Variants in NRXN3 observed in about 807,000 individuals in gnomAD.
NRXN3 encodes the protein neurexin 3.
A neutral mutation model predicts 137.6 loss-of-function variants in NRXN3; 32 were observed. The observed-to-expected ratio is 0.23, with a 90% confidence interval of 0.18 to 0.31. The LOEUF (loss-of-function observed/expected upper bound fraction) is 0.31, where lower values mean the gene tolerates loss of function less well. Among genes scored for constraint, NRXN3 ranks in the 10% least tolerant of loss-of-function variants. NRXN3 has a pLI of 1.00. For missense variants in NRXN3, 1,574 were observed against 2,062.5 expected (o/e 0.76, Z 4.59); for synonymous variants, 798 against 784.5 (o/e 1.02, Z -0.29).
chr14:79,834,033 G>A (rs1341043018), intron 20 of NRXN3, among the ~76,000 whole-genome samples: 1 of 144,534 alleles, frequency 6.9e-6, no homozygotes, highest in Non-Finnish European at 1.5e-5. Flanking sequence ...TTGTGTTACA[G>A]CATTTGTGTT....
chr14:78,686,357 A>C (rs1368251989), intron 6 of NRXN3, among the ~76,000 whole-genome samples: 1 of 152,238 alleles, frequency 6.6e-6, no homozygotes, highest in Non-Finnish European at 1.5e-5. Flanking sequence ...TTATTGGAAC[A>C]AAAGACTTTA....
At chr14:79,266,354 G>GTT (rs902858049) in intron 15 of NRXN3, among the ~76,000 whole-genome samples, 7 of 151,298 alleles carry the variant, frequency 4.6e-5, no homozygotes, top group East Asian at 1.9e-4. Context: ...AGCTATAAAG[G>GTT]TTATATATAT....
At chr14:78,914,917 G>C (rs1311155402) in intron 10 of NRXN3, among the ~76,000 whole-genome samples, 1 of 151,188 alleles carries the variant, frequency 6.6e-6, no homozygotes, top group Non-Finnish European at 1.5e-5. Context: ...GGAAGGAGGG[G>C]GGATAATTTG....
chr14:79,456,579 T>C (rs1401646466), intron 15 of NRXN3, among the ~76,000 whole-genome samples: 2 of 152,010 alleles, frequency 1.3e-5, no homozygotes, highest in Non-Finnish European at 2.9e-5. Flanking sequence ...ATACAAAAAT[T>C]ATCCGAGCAT....
chr14:79,364,703 T>G (rs1447897364), intron 15 of NRXN3, among the ~76,000 whole-genome samples: 1 of 152,162 alleles, frequency 6.6e-6, no homozygotes, highest in African/African-American at 2.4e-5. Flanking sequence ...CCCTCAAAAA[T>G]ATATCACTTT....
chr14:78,571,360 G>A (rs1566780241), intron 4 of NRXN3, among the ~76,000 whole-genome samples: 1 of 152,172 alleles, frequency 6.6e-6, no homozygotes, highest in Non-Finnish European at 1.5e-5. Context: ...CTAATGACTG[G>A]AAGCCTGAGT....
At chr14:79,074,599 G>A (rs1187200223) in intron 15 of NRXN3, 1 of 152,240 alleles carries the variant, frequency 6.6e-6, no homozygotes, top group Non-Finnish European at 1.5e-5. Context: ...GGAAACCTGA[G>A]CAGACCTTGG....
At chr14:78,781,729 A>C (rs548312637) in intron 8 of NRXN3, among the ~76,000 whole-genome samples, 1 of 152,368 alleles carries the variant, frequency 6.6e-6, no homozygotes, top group South Asian at 2.1e-4. Context: ...AATGAAAACA[A>C]AATAAAAGCT....
At chr14:78,472,762 T>TCCC (rs2095300174) in intron 4 of NRXN3, among the ~76,000 whole-genome samples, 1 of 152,156 alleles carries the variant, frequency 6.6e-6, no homozygotes, top group Non-Finnish European at 1.5e-5. Context: ...GGGGCCTATT[T>TCCC]TAAGATAAAG....
intron 6 of NRXN3, among the ~76,000 whole-genome samples, chr14:78,663,460 G>A (rs1316996507): frequency 1.3e-5 from 2 of 152,120 alleles, no homozygotes; most frequent in Non-Finnish European, 2.9e-5. Flanking sequence ...TGCTAACGGA[G>A]GAATGATTTT....
At chr14:78,603,631 C>T (rs183653212) in intron 4 of NRXN3, among the ~76,000 whole-genome samples, 11 of 152,212 alleles carry the variant, frequency 7.2e-5, no homozygotes, top group East Asian at 5.8e-4. Context: ...ATAATAGCTG[C>T]GGTTGCCTTA....
intron 16 of NRXN3, among the ~76,000 whole-genome samples, chr14:79,637,645 T>C (rs1374535773): frequency 1.3e-5 from 2 of 151,672 alleles, no homozygotes; most frequent in Admixed American, 1.3e-4. Context: ...CTGGTTGGAG[T>C]CCCTGACCCC....
intron 20 of NRXN3, among the ~76,000 whole-genome samples, chr14:79,856,728 CAGTGAGCCCCTTTTGCTGG>C (rs1439188117): frequency 6.6e-6 from 1 of 151,404 alleles, no homozygotes; most frequent in Non-Finnish European, 1.5e-5. Flanking sequence ...TTTTTGATGG[CAGTGAGCCCCTTTTGCTGG>C]ATATCAGCCC....
rs61995412 is a variant in NRXN3, at chr14:79,251,126, A to T, written c.3263-216095A>T. On this transcript the variant is annotated intron_variant, in intron 15 of 20. Transcript: ENST00000335750. ...CTATTATGCAGAGTTAGAACTTTCC[A>T]TAGGTGTGAAATAAGTAGCCACTGA... 3.9e-3 allele frequency among the ~76,000 whole-genome samples: 593 copies of T among 152,300 alleles called. 6 individuals are homozygous for T. Among genetic ancestry groups the T allele is most frequent in the Non-Finnish European group, 5.7e-3 (388 of 68,036 alleles).
chr14:78,442,587 T>C (rs1464847226), intron 4 of NRXN3, among the ~76,000 whole-genome samples: 1 of 152,194 alleles, frequency 6.6e-6, no homozygotes, highest in Non-Finnish European at 1.5e-5. Context: ...GTTCTCCTTC[T>C]CTGAAAGGGA....
intron 19 of NRXN3, among the ~76,000 whole-genome samples, chr14:79,767,179 A>C (rs986155508): frequency 4.6e-5 from 7 of 152,150 alleles, no homozygotes; most frequent in African/African-American, 1.7e-4. Flanking sequence ...CTGCCTCTGT[A>C]GTCTTATTCT....
intron 15 of NRXN3, among the ~76,000 whole-genome samples, chr14:79,186,982 A>G (rs1166156414): frequency 1.3e-5 from 2 of 152,158 alleles, no homozygotes; most frequent in African/African-American, 4.8e-5. Flanking sequence ...TATATGTTAT[A>G]TGGACCTAAA....
chr14:79,172,856 C>T lies in NRXN3; in HGVS notation c.3262+184715C>T, dbSNP rs2061923288. Among the ~76,000 whole-genome samples the T allele has an allele frequency of 2.0e-5, 3 of 152,196 alleles. No individual in the cohort carries two copies. In the South Asian group the frequency reaches 6.2e-4, roughly 32 times the overall value. Reference sequence around the variant, plus strand: ...ATTGTAATAAAAAATAATGTATGAACCTGGCATGAAAAGTGGGCAAATAGA... The same window carrying T: ...ATTGTAATAAAAAATAATGTATGAATCTGGCATGAAAAGTGGGCAAATAGA... On this transcript the variant is annotated intron_variant, in intron 15 of 20. Transcript: ENST00000335750.
intron 16 of NRXN3, among the ~76,000 whole-genome samples, chr14:79,552,892 A>T (rs1326797780): frequency 6.6e-6 from 1 of 152,064 alleles, no homozygotes; most frequent in African/African-American, 2.4e-5. Context: ...GGTGCCCTGG[A>T]GGTAGAGACT....
Sources: allele counts gnomAD v4.1 joint callset (sites outside exome capture counted in the v4.1 genomes callset), GRCh38; gene constraint gnomAD v4.1.1; transcripts MANE v1.5; gene names NCBI Gene and HGNC (gene_info 2026-07-23, HGNC 2026-07-21).